Variants in ANKRD30BL observed in about 807,000 individuals in gnomAD.
ANKRD30BL encodes ankyrin repeat domain 30B like.
In ANKRD30BL, 20 loss-of-function variants were observed where a neutral mutation model predicts 18.4. The observed-to-expected ratio is 1.09, with a 90% confidence interval of 0.77 to 1.58. The LOEUF is 1.58. ANKRD30BL is among the 40% of genes most tolerant of loss of function. The probability of loss-of-function intolerance (pLI) is 0.00; values close to 1 mark genes in which losing one functional copy is unlikely to be tolerated. For missense variants in ANKRD30BL, 224 were observed against 268.6 expected (o/e 0.83, Z 1.16); for synonymous variants, 72 against 100.9 (o/e 0.71, Z 1.72).
intron 1 of ANKRD30BL, among the ~76,000 whole-genome samples, chr2:132,199,203 A>T (rs561802919): frequency 2.2e-4 from 33 of 151,572 alleles, no homozygotes; most frequent in Admixed American, 2.0e-3. Context: ...AATAAAATTT[A>T]AAAAAAATTA....
At chr2:132,204,833 T>C (rs1371231481) in intron 1 of ANKRD30BL, among the ~76,000 whole-genome samples, 18 of 152,290 alleles carry the variant, frequency 1.2e-4, no homozygotes, top group South Asian at 6.2e-4. Flanking sequence ...ATAAAATGTG[T>C]TTATGGCTAT....
chr2:132,246,999 A>C (rs570669945), intron 1 of ANKRD30BL, among the ~76,000 whole-genome samples: 36 of 152,196 alleles, frequency 2.4e-4, no homozygotes, highest in African/African-American at 8.7e-4. Flanking sequence ...ATTAGACAGA[A>C]GCATTCTCAG....
At chr2:132,238,126 A>G (rs533682194) in intron 1 of ANKRD30BL, among the ~76,000 whole-genome samples, 4 of 152,138 alleles carry the variant, frequency 2.6e-5, no homozygotes, top group African/African-American at 9.6e-5. Context: ...GAAAAAGGAA[A>G]TATCTTCACA....
At chr2:132,178,990 T>G (rs1215283977) in intron 1 of ANKRD30BL, among the ~76,000 whole-genome samples, 2 of 151,784 alleles carry the variant, frequency 1.3e-5, no homozygotes, top group African/African-American at 2.4e-5. Flanking sequence ...AACTGATTTT[T>G]GAAGACTAGT....
intron 1 of ANKRD30BL, among the ~76,000 whole-genome samples, chr2:132,190,671 T>C (rs1279517725): frequency 6.6e-6 from 1 of 152,114 alleles, no homozygotes; most frequent in Non-Finnish European, 1.5e-5. Context: ...CATGGAGAAA[T>C]AGCCAACTGG....
In ANKRD30BL at chr2:132,148,123, A is replaced by G. The variant is rs1442060214; in HGVS notation, c.*8T>C. The G allele has an allele frequency of 1.7e-5, 26 of 1,565,084 alleles. No homozygotes were observed. Among genetic ancestry groups the G allele is most frequent in the Middle Eastern group, 4.5e-4 (2 of 4,400 alleles). ...GGCTAAAATCTTTGAAGAGGAATTC[A>G]CTGTATCCTATTCATCAGGTGTTCT... is the stretch of plus-strand genomic sequence containing the variant. On this transcript the variant is annotated 3_prime_UTR_variant, in exon 6 of 6. Transcript: ENST00000409867.
At chr2:132,152,779 A>G (rs1004691027) in intron 4 of ANKRD30BL, 14 of 152,202 alleles carry the variant, frequency 9.2e-5, no homozygotes, top group African/African-American at 3.4e-4. Context: ...GAGAAAATAG[A>G]AAAAAGCCAC....
chr2:132,187,890 C>T (rs1285563163), intron 1 of ANKRD30BL, among the ~76,000 whole-genome samples: 1 of 151,916 alleles, frequency 6.6e-6, no homozygotes, highest in Non-Finnish European at 1.5e-5. Context: ...TCCCAAGTAG[C>T]TGGGATTACA....
intron 1 of ANKRD30BL, among the ~76,000 whole-genome samples, chr2:132,211,402 A>G (rs1359349851): frequency 1.5e-4 from 23 of 152,104 alleles, no homozygotes; most frequent in Admixed American, 3.9e-4. Flanking sequence ...ATTTTCACGT[A>G]AAAAGTAGAC....
At chr2:132,192,879 A>G (rs540149560) in intron 1 of ANKRD30BL, among the ~76,000 whole-genome samples, 1 of 152,348 alleles carries the variant, frequency 6.6e-6, no homozygotes, top group South Asian at 2.1e-4. Flanking sequence ...CATCTACTTT[A>G]CATAGAAGAA....
At chr2:132,251,896 T>C (rs1408256875) in intron 1 of ANKRD30BL, among the ~76,000 whole-genome samples, 6 of 152,272 alleles carry the variant, frequency 3.9e-5, no homozygotes, top group Non-Finnish European at 8.8e-5. Flanking sequence ...CCACCCTTGT[T>C]TTGATTTTGT....
intron 1 of ANKRD30BL, among the ~76,000 whole-genome samples, chr2:132,237,491 A>T (rs1449334852): frequency 2.6e-5 from 4 of 152,162 alleles, no homozygotes; most frequent in Middle Eastern, 3.4e-3. Flanking sequence ...CTTATTTGTG[A>T]TGTGTGCATT....
At chr2:132,250,836 G>A (rs1484757363) in intron 1 of ANKRD30BL, among the ~76,000 whole-genome samples, 2 of 151,814 alleles carry the variant, frequency 1.3e-5, no homozygotes, top group Admixed American at 1.3e-4. Flanking sequence ...ATTTAAATTG[G>A]TTACCACTAT....
At chr2:132,163,676 A>C (rs886947119), upstream of ANKRD30BL, among the ~76,000 whole-genome samples, 5 of 152,176 alleles carry the variant, frequency 3.3e-5, no homozygotes, top group African/African-American at 1.2e-4. Flanking sequence ...AAAGTGGGTG[A>C]CCATGTTCTT....
intron 4 of ANKRD30BL, among the ~76,000 whole-genome samples, chr2:132,152,915 C>A (rs1687797417): frequency 6.6e-6 from 1 of 152,174 alleles, no homozygotes; most frequent in Non-Finnish European, 1.5e-5. Flanking sequence ...GCTAAAAGTT[C>A]TAGCTGCCAG....
chr2:132,188,812 T>C (rs552739483), intron 1 of ANKRD30BL, among the ~76,000 whole-genome samples: 118 of 152,292 alleles, frequency 7.7e-4, no homozygotes, highest in African/African-American at 2.5e-3. Context: ...AAGGTTCACA[T>C]CACTTAAAAT....
intron 1 of ANKRD30BL, among the ~76,000 whole-genome samples, chr2:132,194,340 C>A (rs1004769086): frequency 6.6e-5 from 10 of 152,134 alleles, no homozygotes; most frequent in African/African-American, 2.4e-4. Context: ...TTTTAATGAC[C>A]AAGGAAATTT....
At chr2:132,220,771 C>T (rs1267919217) in intron 1 of ANKRD30BL, among the ~76,000 whole-genome samples, 1 of 151,916 alleles carries the variant, frequency 6.6e-6, no homozygotes, top group African/African-American at 2.4e-5. Flanking sequence ...ATTGCAGCCT[C>T]TGCCCGGCCG....
chr2:132,233,610 G>C (rs1362703468), intron 1 of ANKRD30BL, among the ~76,000 whole-genome samples: 1 of 151,114 alleles, frequency 6.6e-6, no homozygotes, highest in African/African-American at 2.4e-5. Flanking sequence ...TAATGGTAAA[G>C]GGATCAATTC....
Sources: gnomAD v4.1 joint callset for allele counts (sites outside exome capture counted in the v4.1 genomes callset) on GRCh38, gnomAD v4.1.1 for gene constraint, MANE v1.5 for transcripts, NCBI Gene and HGNC (gene_info 2026-07-23, HGNC 2026-07-21) for gene names.